The following PPP4R3A variants were observed in gnomAD, a reference collection of about 807,000 sequenced individuals.
The protein encoded by PPP4R3A is protein phosphatase 4 regulatory subunit 3A.
A neutral mutation model predicts 91.7 loss-of-function variants in PPP4R3A; 15 were observed. That is an observed-to-expected ratio of 0.16 (90% CI 0.11 to 0.25). The LOEUF is 0.25. Ranked by LOEUF, PPP4R3A falls within the 10% of genes least tolerant of loss-of-function variation. The pLI is 1.00. For missense variants in PPP4R3A, 623 were observed against 998.4 expected (o/e 0.62, Z 5.07); for synonymous variants, 377 against 348.7 (o/e 1.08, Z -0.91).
intron 10 of PPP4R3A, among the ~76,000 whole-genome samples, chr14:91,470,350 G>C (rs1888760657): frequency 6.6e-6 from 1 of 152,164 alleles, no homozygotes; most frequent in Non-Finnish European, 1.5e-5. Context: ...ATCTTGTTAT[G>C]AGACTATATT....
intron 2 of PPP4R3A, among the ~76,000 whole-genome samples, chr14:91,488,907 CT>C (rs10691130): frequency 4.7e-4 from 58 of 122,828 alleles, no homozygotes; most frequent in African/African-American, 9.9e-4. Flanking sequence ...ATAGATACCA[CT>C]TTTTTTTTTT....
intron 14 of PPP4R3A, among the ~76,000 whole-genome samples, chr14:91,460,023 ATT>A (rs980474597): frequency 2.0e-5 from 3 of 150,742 alleles, no homozygotes; most frequent in Non-Finnish European, 4.4e-5. Flanking sequence ...TGCTTTATTT[ATT>A]TTTTGAGATG....
At chr14:91,495,343 GTCTC>G (rs955964797) in intron 1 of PPP4R3A, among the ~76,000 whole-genome samples, 68 of 53,148 alleles carry the variant, frequency 1.3e-3, no homozygotes, top group Non-Finnish European at 2.0e-4. Flanking sequence ...TTTTTAGACA[GTCTC>G]TCTGTCGCCC....
At chr14:91,460,993 A>T (rs1384741807) in intron 14 of PPP4R3A, among the ~76,000 whole-genome samples, 1 of 152,182 alleles carries the variant, frequency 6.6e-6, no homozygotes, top group Non-Finnish European at 1.5e-5. Flanking sequence ...CTGGCAAAGT[A>T]AAGTTAGAAG....
At chr14:91,504,622 A>C (rs953014647) in intron 1 of PPP4R3A, among the ~76,000 whole-genome samples, 17 of 152,124 alleles carry the variant, frequency 1.1e-4, no homozygotes, top group Admixed American at 1.1e-3. Context: ...AAAAGAAAAC[A>C]AAAAACAAAA....
chr14:91,465,198 A>C, intron 11 of PPP4R3A, 52 bp downstream of exon 11: 4 of 1,389,204 alleles, frequency 2.9e-6, no homozygotes, highest in Non-Finnish European at 3.8e-6. Context: ...ATGCATATTC[A>C]ATTTTCTCAA....
intron 1 of PPP4R3A, among the ~76,000 whole-genome samples, chr14:91,499,401 C>T (rs1457185889): frequency 6.6e-6 from 1 of 152,134 alleles, no homozygotes; most frequent in Non-Finnish European, 1.5e-5. Flanking sequence ...GAATACTACA[C>T]TACTTTTAAA....
intron 10 of PPP4R3A, 104 bp from the exon 11 acceptor site, chr14:91,465,523 T>C (rs1041583620): frequency 1.2e-5 from 11 of 939,572 alleles, no homozygotes; most frequent in South Asian, 1.1e-4. Flanking sequence ...GTTTAACACA[T>C]ATCAATAATT....
chr14:91,470,345 G>C (rs1348867634), intron 10 of PPP4R3A, among the ~76,000 whole-genome samples: 3 of 152,126 alleles, frequency 2.0e-5, no homozygotes, highest in Non-Finnish European at 4.4e-5. Context: ...GAACAATCTT[G>C]TTATGAGACT....
intron 7 of PPP4R3A, chr14:91,475,605 TA>T (rs1202956727): frequency 4.5e-6 from 2 of 439,852 alleles, no homozygotes; most frequent in East Asian, 3.8e-5. Flanking sequence ...ATGAATATTT[TA>T]AAAGGCAATT....
chr14:91,504,406 G>A lies in PPP4R3A; in HGVS notation c.142+5100C>T, dbSNP rs148366801. Among the ~76,000 whole-genome samples the A allele has an allele frequency of 3.5e-3, 521 of 151,002 alleles. 7 individuals carry two copies. Among genetic ancestry groups the A allele is most frequent in the African/African-American group, 0.011 (472 of 41,202 alleles). On this transcript the variant is annotated intron_variant, in intron 1 of 14. Transcript: ENST00000554943. Reference sequence around the variant, plus strand: ...CACCTGAGGTCAGGAGTTCGAGATCGGCCTGGCCAACATGGTGAAACCTCG... The same window carrying A: ...CACCTGAGGTCAGGAGTTCGAGATCAGCCTGGCCAACATGGTGAAACCTCG...
intron 12 of PPP4R3A, 41 bp from the exon 13 acceptor site, chr14:91,462,280 A>G (rs1656420506): frequency 7.5e-6 from 11 of 1,465,634 alleles, no homozygotes; most frequent in Non-Finnish European, 9.9e-6. Flanking sequence ...TCATATATGG[A>G]CTTAATTGTA....
Position 91,482,080 on chromosome 14 carries a change from T to C in PPP4R3A, c.411A>G (p.Leu137=), listed in dbSNP as rs915765195. The change falls in exon 4 of 15, where the codon TTA becomes TTG. Residue 137 remains leucine, a synonymous_variant. Coordinates refer to ENST00000554943, the MANE Select transcript of PPP4R3A (RefSeq NM_001366432.2). The part of the protein sequence containing the change: ...SPGLELPSCE[L]SRLEEIAELV... ...GTTCTGCAATTTCTTCAAGGCGACT[T>C]AATTCACAAGATGGCAATTCTAAGC... 2 of 1,614,110 alleles carry C rather than the reference T, an allele frequency of 1.2e-6. No homozygotes were observed.
At chr14:91,466,891 A>C (rs1393177392) in intron 10 of PPP4R3A, among the ~76,000 whole-genome samples, 1 of 151,706 alleles carries the variant, frequency 6.6e-6, no homozygotes, top group East Asian at 1.9e-4. Flanking sequence ...CTATTTTAAG[A>C]ATTTGTACTC....
In PPP4R3A at chr14:91,462,035, T is replaced by A; in HGVS notation, c.2164+14A>T. 6.7e-7 allele frequency: 1 copy of A among 1,490,560 alleles called. No individual in the cohort carries two copies. The highest frequency in any genetic ancestry group is 8.9e-7 in the Non-Finnish European group (1 of 1,121,348). The allele number at this position is 1,490,560 out of a possible 1,614,324, so 92.3% of individuals were successfully genotyped here. ...AAGCCTTAATTTTCTCTTGCCCATTTTTTTCCAACATACATTTCTTCCTTT... is the reference window on the plus strand; with the variant it reads ...AAGCCTTAATTTTCTCTTGCCCATTATTTTCCAACATACATTTCTTCCTTT... On this transcript the variant is annotated intron_variant, in intron 13 of 14. Coordinates refer to ENST00000554943, the MANE Select transcript of PPP4R3A (RefSeq NM_001366432.2).
intron 3 of PPP4R3A, among the ~76,000 whole-genome samples, chr14:91,484,071 T>C (rs1314500691): frequency 6.6e-6 from 1 of 152,160 alleles, no homozygotes; most frequent in Non-Finnish European, 1.5e-5. Flanking sequence ...CTCTCTCTCT[T>C]TGGGATAACA....
At chr14:91,488,167 T>G (rs1890015106) in intron 2 of PPP4R3A, among the ~76,000 whole-genome samples, 2 of 150,916 alleles carry the variant, frequency 1.3e-5, no homozygotes, top group South Asian at 4.2e-4. Context: ...ATAGCCACTG[T>G]ACTCCAGCCT....
chr14:91,479,418 A>G (rs571974270), intron 4 of PPP4R3A, among the ~76,000 whole-genome samples: 1 of 150,974 alleles, frequency 6.6e-6, no homozygotes, highest in Non-Finnish European at 1.5e-5. Context: ...CTCAGGCTTG[A>G]GTGCGGTGGC....
chr14:91,480,350 C>T (rs1043319050), intron 4 of PPP4R3A, among the ~76,000 whole-genome samples: 5 of 152,134 alleles, frequency 3.3e-5, no homozygotes, highest in Non-Finnish European at 7.3e-5. Flanking sequence ...GCCCAACTCA[C>T]ATAGCTACTG....
Sources: allele counts gnomAD v4.1 joint callset (sites outside exome capture counted in the v4.1 genomes callset), GRCh38; gene constraint gnomAD v4.1.1; transcripts MANE v1.5; gene names NCBI Gene and HGNC (gene_info 2026-07-23, HGNC 2026-07-21).